TBC1D1: variants seen among roughly 807,000 people sequenced by gnomAD.
TBC1D1 encodes TBC1 domain family member 1.
A neutral mutation model predicts 125.6 loss-of-function variants in TBC1D1; 89 were observed. That is an observed-to-expected ratio of 0.71 (90% CI 0.60 to 0.85). The LOEUF (loss-of-function observed/expected upper bound fraction) is 0.85, where lower values mean the gene tolerates loss of function less well. Among genes scored for constraint, TBC1D1 ranks in the 40% least tolerant of loss-of-function variants. TBC1D1 has a pLI of 0.00. For missense variants in TBC1D1, 1,377 were observed against 1,469.2 expected (o/e 0.94, Z 1.03); for synonymous variants, 565 against 564.1 (o/e 1.00, Z -0.02).
chr4:38,050,671 C>G (rs1427840252), intron 11 of TBC1D1, among the ~76,000 whole-genome samples: 2 of 152,198 alleles, frequency 1.3e-5, no homozygotes, highest in East Asian at 3.8e-4. Flanking sequence ...AAGGTCACAC[C>G]TGTGTACAGT....
chr4:38,136,044 A>C (rs770547480), intron 19 of TBC1D1, among the ~76,000 whole-genome samples: 1 of 151,790 alleles, frequency 6.6e-6, no homozygotes, highest in African/African-American at 2.4e-5. Context: ...GTCACAGAGC[A>C]CTCCAGGATG....
rs779589635 is a variant in TBC1D1, at chr4:38,027,902, T to G, written c.1302+23T>G. ...CAGGTACAGTACAGTTGCTAATTTC[T>G]AGAAGGAAAGAAAAGGCAGGCAGCT... On this transcript the variant is annotated intron_variant, in intron 7 of 19. Coordinates refer to ENST00000261439, the MANE Select transcript of TBC1D1 (RefSeq NM_015173.4). 9.9e-6 allele frequency: 15 copies of G among 1,522,436 alleles called. No homozygotes were observed. In the South Asian group the frequency reaches 1.5e-4, roughly 15 times the overall value. The allele number at this position is 1,522,436 out of a possible 1,614,324, so 94.3% of individuals were successfully genotyped here. A position where few individuals can be genotyped will look rare whatever the true frequency, so the allele number is the denominator to read the frequency against.
chr4:38,120,181 GCCA>G (rs1763623498), intron 17 of TBC1D1: 1 of 874,106 alleles, frequency 1.1e-6, no homozygotes, highest in Non-Finnish European at 1.4e-6. Context: ...GCATAGAGAT[GCCA>G]GTGTCTACAT....
chr4:38,052,167 CTGTGTGTGTGTGTGTGTGTGTG>C, intron 11 of TBC1D1, 107 bp downstream of exon 12: 1 of 735,808 alleles, frequency 1.4e-6, no homozygotes, highest in Non-Finnish European at 2.2e-6. Flanking sequence ...AGCAGAGCCA[CTGTGTGTGTGTGTGTGTGTGTG>C]TGTGTGCGCG....
At chr4:38,094,117 G>A (rs1418754705) in intron 13 of TBC1D1, among the ~76,000 whole-genome samples, 1 of 152,144 alleles carries the variant, frequency 6.6e-6, no homozygotes, top group Admixed American at 6.5e-5. Flanking sequence ...GCAAGTGTGG[G>A]GGTCATTTAA....
rs1440148659 is a variant in TBC1D1 at position 37,954,913 on chromosome 4, GTCTC to G, written c.417+52407_417+52410del. 2.3e-5 allele frequency among the ~76,000 whole-genome samples: 3 copies of G among 132,134 alleles called. No homozygotes were observed. In the East Asian group the frequency reaches 6.6e-4, roughly 29 times the overall value. The allele number at this position is 132,134 out of a possible 152,430, so 86.7% of individuals were successfully genotyped here. ...TCTTTTTTTTTTTTTTTGAGACGGA[GTCTC>G]TCTCTGTCGTCCAGGCTGGAGTGCA... On this transcript the variant is annotated intron_variant, in intron 2 of 19. Coordinates refer to ENST00000261439, the MANE Select transcript of TBC1D1 (RefSeq NM_015173.4).
chr4:38,043,666 T>G (rs1264121376), intron 8 of TBC1D1, among the ~76,000 whole-genome samples: 1 of 152,086 alleles, frequency 6.6e-6, no homozygotes, highest in African/African-American at 2.4e-5. Flanking sequence ...CAAACTCCAT[T>G]GTATTTTTAT....
At chr4:38,040,127 C>A (rs1578387208) in intron 8 of TBC1D1, among the ~76,000 whole-genome samples, 1 of 152,096 alleles carries the variant, frequency 6.6e-6, no homozygotes, top group African/African-American at 2.4e-5. Context: ...GGAAAAGACT[C>A]TTTTTTGATA....
At chr4:38,024,489 G>A (rs775312970) in intron 6 of TBC1D1, among the ~76,000 whole-genome samples, 7 of 152,106 alleles carry the variant, frequency 4.6e-5, no homozygotes, top group Admixed American at 6.5e-5. Context: ...TGCTGCCGTC[G>A]TTTTGGAATT....
At chr4:37,917,229 T>C (rs1409117706) in intron 2 of TBC1D1, among the ~76,000 whole-genome samples, 2 of 151,396 alleles carry the variant, frequency 1.3e-5, no homozygotes, top group Non-Finnish European at 2.9e-5. Context: ...ATCCCGGCAT[T>C]TTGGGAGGCC....
At chr4:38,078,377 G>A (rs576278798) in intron 12 of TBC1D1, among the ~76,000 whole-genome samples, 2 of 152,254 alleles carry the variant, frequency 1.3e-5, no homozygotes, top group Admixed American at 1.3e-4. Flanking sequence ...TCTGTAAAAC[G>A]TTAAATCAAA....
At chr4:37,936,398 G>T (rs1174880782) in intron 2 of TBC1D1, among the ~76,000 whole-genome samples, 2 of 152,168 alleles carry the variant, frequency 1.3e-5, no homozygotes, top group African/African-American at 2.4e-5. Context: ...ATAAGGGGGG[G>T]TTACCGCAAC....
intron 2 of TBC1D1, among the ~76,000 whole-genome samples, chr4:37,959,859 GCTCTCCCCACCA>G (rs1215129241): frequency 1.3e-5 from 2 of 152,102 alleles, no homozygotes; most frequent in Non-Finnish European, 2.9e-5. Context: ...GGGCCTCTCG[GCTCTCCCCACCA>G]CTGCATGCTG....
intron 13 of TBC1D1, among the ~76,000 whole-genome samples, chr4:38,095,286 C>T (rs2152545737): frequency 6.6e-6 from 1 of 152,272 alleles, no homozygotes; most frequent in Non-Finnish European, 1.5e-5. Flanking sequence ...TGTAAATTGT[C>T]AATTTAACAT....
chr4:37,967,911 C>T (rs1433011115), intron 2 of TBC1D1, among the ~76,000 whole-genome samples: 7 of 152,098 alleles, frequency 4.6e-5, no homozygotes, highest in Non-Finnish European at 8.8e-5. Context: ...CTCAGGACTG[C>T]TGGGTTTTTC....
At chr4:38,029,946 C>A (rs748833810) in intron 7 of TBC1D1, among the ~76,000 whole-genome samples, 4 of 152,118 alleles carry the variant, frequency 2.6e-5, no homozygotes, top group African/African-American at 4.8e-5. Flanking sequence ...ATTTGGAATT[C>A]AAAAATGGAC....
At chr4:38,103,277 T>G (rs1162249627) in intron 15 of TBC1D1, 120 bp downstream of exon 17, 1 of 1,019,460 alleles carries the variant, frequency 9.8e-7, no homozygotes, top group African/African-American at 1.6e-5. Context: ...AATTTACTAC[T>G]GAGACTTTTA....
intron 8 of TBC1D1, among the ~76,000 whole-genome samples, chr4:38,036,067 A>G (rs774888817): frequency 1.3e-5 from 2 of 152,208 alleles, no homozygotes; most frequent in Non-Finnish European, 2.9e-5. Context: ...TGCCTTTGGA[A>G]TTACAAAAAG....
chr4:38,079,570 C>CA (rs570693775), intron 12 of TBC1D1, among the ~76,000 whole-genome samples: 5,287 of 151,762 alleles, frequency 0.035, 236 homozygotes, highest in African/African-American at 0.1. Flanking sequence ...ACTTAAAATA[C>CA]AAAAAAATTA....
Sources: gnomAD v4.1 joint callset for allele counts (sites outside exome capture counted in the v4.1 genomes callset) on GRCh38, gnomAD v4.1.1 for gene constraint, MANE v1.5 for transcripts, NCBI Gene and HGNC (gene_info 2026-07-23, HGNC 2026-07-21) for gene names.